B4GALT1: variants seen among roughly 807,000 people sequenced by gnomAD.
The protein encoded by B4GALT1 is beta-1,4-galactosyltransferase 1.
A neutral mutation model predicts 34.9 loss-of-function variants in B4GALT1; 16 were observed. The ratio of observed to expected loss-of-function variants is 0.46; its 90% confidence interval spans 0.31 to 0.70. The LOEUF (loss-of-function observed/expected upper bound fraction) is 0.70. B4GALT1 is among the 30% of genes least tolerant of loss of function. The pLI is 0.05. For missense variants in B4GALT1, 445 were observed against 530.5 expected, an observed-to-expected ratio of 0.84 and a Z score of 1.58; for synonymous variants, 221 against 218.1, an observed-to-expected ratio of 1.01 and a Z score of -0.12.
intron 1 of B4GALT1, among the ~76,000 whole-genome samples, chr9:33,148,804 T>TAAAAAAAA (rs72391353): frequency 3.1e-5 from 4 of 127,738 alleles, no homozygotes; most frequent in African/African-American, 8.5e-5. Context: ...TGCCTAAAAG[T>TAAAAAAAA]AAAAAAAAAA....
chr9:33,105,137 C>A (rs1409978008), intron 2 of B4GALT1, among the ~76,000 whole-genome samples: 3 of 151,360 alleles, frequency 2.0e-5, no homozygotes, highest in African/African-American at 4.9e-5. Context: ...ACATTTTAAC[C>A]TTATTTATTT....
At chr9:33,172,756 TA>T in the B4GALT1 span, among the ~76,000 whole-genome samples, 11 of 151,714 alleles carry the variant, frequency 7.3e-5, no homozygotes, top group Non-Finnish European at 1.3e-4. Context: ...GTAACATCTC[TA>T]AAAAATAAAG....
chr9:33,134,216 GCA>G (rs1442909589), intron 2 of B4GALT1, among the ~76,000 whole-genome samples: 2 of 152,196 alleles, frequency 1.3e-5, no homozygotes, highest in Non-Finnish European at 2.9e-5. Flanking sequence ...TAGGGAAGGT[GCA>G]CAGAGTTCCT....
chr9:33,166,359 G>A lies in B4GALT1; in HGVS notation c.412+399C>T, dbSNP rs887495300. Among the ~76,000 whole-genome samples, 6 of 152,116 alleles carry A rather than the reference G, an allele frequency of 3.9e-5. No homozygotes were observed. The South Asian group carries it at 1.0e-3, about 26-fold the overall frequency. On this transcript the variant is annotated intron_variant, in intron 1 of 5. Transcript: ENST00000379731. ...TCTCCTTCCCCACCGGGAGCCTCACGTCAGTCCCCAAAAGGGAGTGGATTA... is the reference window on the plus strand; with the variant it reads ...TCTCCTTCCCCACCGGGAGCCTCACATCAGTCCCCAAAAGGGAGTGGATTA...
downstream of B4GALT1, among the ~76,000 whole-genome samples, chr9:33,106,689 G>A (rs1444468868): frequency 1.3e-5 from 2 of 152,200 alleles, no homozygotes; most frequent in African/African-American, 4.8e-5. Flanking sequence ...AGGGAGGGAG[G>A]AGAGCAGGAA....
the B4GALT1 span, among the ~76,000 whole-genome samples, chr9:33,174,563 C>T: frequency 1.3e-5 from 2 of 151,906 alleles, no homozygotes; most frequent in South Asian, 2.1e-4. Flanking sequence ...GCAGGAGAAT[C>T]GCTTAAACCT....
At chr9:33,125,654 C>T (rs949581864) in intron 2 of B4GALT1, among the ~76,000 whole-genome samples, 9 of 141,904 alleles carry the variant, frequency 6.3e-5, no homozygotes, top group Non-Finnish European at 1.1e-4. Context: ...TTTGTAGGGG[C>T]GGGGCGAGAG....
At chr9:33,105,300 T>C (rs1395895657) in intron 2 of B4GALT1, among the ~76,000 whole-genome samples, 9 of 151,874 alleles carry the variant, frequency 5.9e-5, no homozygotes, top group Non-Finnish European at 1.0e-4. Context: ...CCACCACGCC[T>C]GGCTAATTTT....
At chr9:33,122,883 A>G (rs1385220064) in intron 2 of B4GALT1, among the ~76,000 whole-genome samples, 2 of 152,114 alleles carry the variant, frequency 1.3e-5, no homozygotes, top group African/African-American at 2.4e-5. Context: ...GGTGGCTCAC[A>G]CCTGTAATCC....
chr9:33,133,483 C>T (rs1171095588), intron 2 of B4GALT1, among the ~76,000 whole-genome samples: 1 of 152,180 alleles, frequency 6.6e-6, no homozygotes. Flanking sequence ...TGAATCTTGC[C>T]GTCATTGGTA....
chr9:33,118,438 T>C (rs950427643), intron 3 of B4GALT1, among the ~76,000 whole-genome samples: 8 of 152,038 alleles, frequency 5.3e-5, no homozygotes, highest in African/African-American at 1.7e-4. Context: ...AGCAGGAGGA[T>C]TGCTTGAGCC....
intron 2 of B4GALT1, among the ~76,000 whole-genome samples, chr9:33,105,614 A>G (rs1839789982): frequency 6.6e-6 from 1 of 152,158 alleles, no homozygotes; most frequent in African/African-American, 2.4e-5. Flanking sequence ...ATTAAACAAT[A>G]ACTCCCCATT....
chr9:33,116,534 T>G (rs1395360163), intron 3 of B4GALT1, among the ~76,000 whole-genome samples: 4 of 149,380 alleles, frequency 2.7e-5, no homozygotes, highest in African/African-American at 9.9e-5. Context: ...TTTTTTTTTT[T>G]TTTTTTGAAG....
At chr9:33,137,607 T>G (rs1840289459) in intron 1 of B4GALT1, among the ~76,000 whole-genome samples, 1 of 151,464 alleles carries the variant, frequency 6.6e-6, no homozygotes, top group Admixed American at 6.6e-5. Flanking sequence ...CAAGAATTGC[T>G]TGAGGAAGTT....
Position 33,112,167 on chromosome 9 carries a change from A to T in B4GALT1, c.*1287T>A, listed in dbSNP as rs1222852317. 1.3e-5 allele frequency: 2 copies of T among 152,476 alleles called. No individual in the cohort carries two copies. 9.4% of individuals were successfully genotyped at this position (152,476 alleles called of 1,614,324 possible). A position where few individuals can be genotyped will look rare whatever the true frequency, so the allele number is the denominator to read the frequency against. On this transcript the variant is annotated 3_prime_UTR_variant, in exon 6 of 6. Transcript: ENST00000379731. ...GGGTGGGCCACGGAGTGTGGCTAGC[A>T]GAGCCTCTGAGGGAGGTGGCCCCCA... is the stretch of plus-strand genomic sequence containing the variant.
At position 33,166,916 on chromosome 9, in the gene B4GALT1, G is replaced by T; in HGVS notation, c.254C>A (p.Pro85Gln). 6.4e-7 allele frequency: 1 copy of T among 1,572,938 alleles called. No individual in the cohort carries two copies. The highest frequency in any genetic ancestry group is 8.6e-7 in the Non-Finnish European group (1 of 1,166,470). ...GELRTGGARP[P>Q]PPLGASSQPR... ...CTGGGAGGAGGCGCCTAGAGGAGGC[G>T]GCGGCCGGGCCCCTCCGGTCCGGAG... The change falls in exon 1 of 6, where the codon CCG becomes CAG. Residue 85 changes from proline to glutamine, a missense_variant. By Grantham distance (76) the Pro-to-Gln change is moderately conservative. Coordinates refer to ENST00000379731, the MANE Select transcript of B4GALT1 (RefSeq NM_001497.4).
At chr9:33,162,645 C>T (rs1840690661) in intron 1 of B4GALT1, among the ~76,000 whole-genome samples, 1 of 152,212 alleles carries the variant, frequency 6.6e-6, no homozygotes, top group African/African-American at 2.4e-5. Context: ...CCAGGAAGAG[C>T]ACTAGACAAT....
chr9:33,131,266 G>A (rs775556755), intron 2 of B4GALT1, among the ~76,000 whole-genome samples: 3 of 152,138 alleles, frequency 2.0e-5, no homozygotes, highest in Non-Finnish European at 4.4e-5. Flanking sequence ...TGTGACTTTC[G>A]GAGCCTGTCC....
rs969710415 is a variant in B4GALT1, at chr9:33,113,060, C to T, written c.*394G>A. ...GATCACACCAATCCAATTTTAGCAG[C>T]ACTCTCCGAATTTTCACGAATAAGA... On this transcript the variant is annotated 3_prime_UTR_variant, in exon 6 of 6. Coordinates refer to ENST00000379731, the MANE Select transcript of B4GALT1 (RefSeq NM_001497.4). 31 of 293,082 alleles carry T rather than the reference C, an allele frequency of 1.1e-4. No individual in the cohort carries two copies. Among genetic ancestry groups the T allele is most frequent in the African/African-American group, 6.3e-4 (29 of 45,948 alleles). 18.2% of individuals were successfully genotyped at this position (293,082 alleles called of 1,614,324 possible).
Sources: allele counts gnomAD v4.1 joint callset (sites outside exome capture counted in the v4.1 genomes callset), GRCh38; gene constraint gnomAD v4.1.1; transcripts MANE v1.5; gene names NCBI Gene and HGNC (gene_info 2026-07-23, HGNC 2026-07-21).